STIM1: variants seen among roughly 807,000 people sequenced by gnomAD.
STIM1 encodes the protein stromal interaction molecule 1.
In STIM1, 25 loss-of-function variants were observed where a neutral mutation model predicts 74.7. The observed-to-expected ratio is 0.33, with a 90% CI of 0.24 to 0.47. STIM1 has a LOEUF of 0.47. STIM1 is among the 20% of genes least tolerant of loss of function. STIM1 has a pLI of 1.00. For synonymous variants in STIM1, 328 were observed against 348.8 expected (o/e 0.94, Z 0.66); for missense variants, 728 against 920.8 (o/e 0.79, Z 2.71).
chr11:4,026,316 C>T (rs1412768178), intron 3 of STIM1, among the ~76,000 whole-genome samples: 1 of 152,142 alleles, frequency 6.6e-6, no homozygotes, highest in East Asian at 1.9e-4. Context: ...CTATCTTAGC[C>T]AACTCTGGGC....
At position 3,990,191 on chromosome 11, in the gene STIM1, A is replaced by G. The variant is rs547608637; in HGVS notation, c.270+22509A>G. Among the ~76,000 whole-genome samples, 13 of 152,356 alleles carry G rather than the reference A, an allele frequency of 8.5e-5. No individual in the cohort carries two copies. In the East Asian group the frequency reaches 1.2e-3, roughly 14 times the overall value. On this transcript the variant is annotated intron_variant, in intron 2 of 12. Transcript: ENST00000526596. ...GCTTTTTTCACTTAGCATGTTTTCA[A>G]GGTGCATTCATGTTGTATCAGTACT...
At chr11:4,084,157 A>C (rs2094479879) in intron 10 of STIM1, among the ~76,000 whole-genome samples, 1 of 152,196 alleles carries the variant, frequency 6.6e-6, no homozygotes, top group African/African-American at 2.4e-5. Flanking sequence ...ACAACACTGG[A>C]ATTCTTCAGT....
At chr11:3,907,569 C>T (rs1372076570) in intron 1 of STIM1, among the ~76,000 whole-genome samples, 7 of 152,302 alleles carry the variant, frequency 4.6e-5, no homozygotes, top group Admixed American at 2.0e-4. Flanking sequence ...AACTGATTGC[C>T]CTGCTTTTGC....
At chr11:3,897,868 T>C (rs1269312586) in intron 1 of STIM1, among the ~76,000 whole-genome samples, 1 of 152,180 alleles carries the variant, frequency 6.6e-6, no homozygotes, top group East Asian at 1.9e-4. Flanking sequence ...GGCTGCATAG[T>C]ATTCCATGGT....
At chr11:3,863,713 G>C (rs2090733127) in intron 1 of STIM1, among the ~76,000 whole-genome samples, 1 of 152,032 alleles carries the variant, frequency 6.6e-6, no homozygotes, top group African/African-American at 2.4e-5. Context: ...GTGTACCATA[G>C]GCTACCTGTG....
intron 2 of STIM1, among the ~76,000 whole-genome samples, chr11:4,006,890 T>C (rs2093787492): frequency 6.6e-6 from 1 of 152,142 alleles, no homozygotes; most frequent in African/African-American, 2.4e-5. Context: ...GGAAGTGTTA[T>C]TGATTCTAAG....
At chr11:4,018,148 C>G (rs11030643) in intron 2 of STIM1, among the ~76,000 whole-genome samples, 1 of 152,102 alleles carries the variant, frequency 6.6e-6, no homozygotes, top group African/African-American at 2.4e-5. Context: ...AACCCCATCT[C>G]TATTAAAAAA....
At chr11:3,908,005 C>T (rs1006986891) in intron 1 of STIM1, among the ~76,000 whole-genome samples, 3 of 152,138 alleles carry the variant, frequency 2.0e-5, no homozygotes, top group African/African-American at 4.8e-5. Context: ...CACACTGCAA[C>T]CCCTTTCTCT....
In STIM1 at chr11:4,026,688, A is replaced by G. The variant is rs7926213; in HGVS notation, c.385+2701A>G. On this transcript the variant is annotated intron_variant, in intron 3 of 12. Transcript: ENST00000526596. ...AATTCAAGAAAGCCCTATACTTATG[A>G]TTACAATTTTATTATAAAAGTTACA... Among the ~76,000 whole-genome samples the G allele has an allele frequency of 4.6e-3, 704 of 152,300 alleles. 9 individuals carry two copies. Among genetic ancestry groups the G allele is most frequent in the African/African-American group, 0.016 (676 of 41,558 alleles).
At chr11:3,864,567 C>T (rs1019891131) in intron 1 of STIM1, among the ~76,000 whole-genome samples, 1 of 152,184 alleles carries the variant, frequency 6.6e-6, no homozygotes, top group Non-Finnish European at 1.5e-5. Context: ...TCCAAGAGAG[C>T]GCAAGAGAGA....
intron 2 of STIM1, among the ~76,000 whole-genome samples, chr11:3,990,445 ACATACATATGAATAGAATTGCTGGGT>A (rs1358082799): frequency 2.6e-5 from 4 of 152,322 alleles, no homozygotes; most frequent in African/African-American, 9.6e-5. Flanking sequence ...TCTCTTGGGT[ACATACATATGAATAGAATTGCTGGGT>A]CATATGGTAA....
chr11:4,089,080 C>A (rs539575909), intron 12 of STIM1: 5 of 289,010 alleles, frequency 1.7e-5, no homozygotes, highest in East Asian at 1.5e-4. Flanking sequence ...AAAAAAAAAT[C>A]AAAAATTTAG....
At chr11:4,012,909 A>T (rs764829067) in intron 2 of STIM1, among the ~76,000 whole-genome samples, 1 of 152,162 alleles carries the variant, frequency 6.6e-6, no homozygotes, top group Non-Finnish European at 1.5e-5. Flanking sequence ...ATCAATACCT[A>T]GTTTATTGAG....
intron 2 of STIM1, among the ~76,000 whole-genome samples, chr11:4,000,187 C>A (rs568943427): frequency 7.1e-6 from 1 of 141,588 alleles, no homozygotes; most frequent in East Asian, 2.2e-4. Context: ...CAGCAGTAAC[C>A]TCTGCAGACT....
intron 5 of STIM1, 48 bp downstream of exon 5, chr11:4,059,444 G>A: frequency 6.5e-7 from 1 of 1,548,170 alleles, no homozygotes; most frequent in Non-Finnish European, 8.9e-7. Context: ...GGAAACCAAA[G>A]CTGTTGTAGT....
intron 2 of STIM1, among the ~76,000 whole-genome samples, chr11:3,982,974 CA>C (rs1433680917): frequency 6.6e-6 from 1 of 152,120 alleles, no homozygotes; most frequent in African/African-American, 2.4e-5. Flanking sequence ...CTCTGTCACC[CA>C]GGCTGGAGTG....
At chr11:3,936,967 T>G (rs1032776393) in intron 1 of STIM1, among the ~76,000 whole-genome samples, 4 of 152,256 alleles carry the variant, frequency 2.6e-5, no homozygotes, top group Non-Finnish European at 5.9e-5. Flanking sequence ...TCATATCTCA[T>G]TAGCTTGGAG....
intron 3 of STIM1, among the ~76,000 whole-genome samples, chr11:4,026,581 C>T (rs561353648): frequency 1.2e-3 from 185 of 152,326 alleles, no homozygotes; most frequent in South Asian, 9.9e-3. Flanking sequence ...TCCCAGGTCA[C>T]CTGCACTTCT....
Position 4,086,443 on chromosome 11 carries a change from GC to G in STIM1, c.1568-30del. ...TTACCTGCCAGCCCAAAGTGGGCTG[GC>G]CCCTCCTGACACTTTCTTTATTCTC... On this transcript the variant is annotated intron_variant, in intron 11 of 12. Coordinates refer to ENST00000526596, the MANE Select transcript of STIM1 (RefSeq NM_001382567.1). 4.3e-6 allele frequency: 7 copies of G among 1,611,496 alleles called. No homozygotes were observed. The East Asian group carries it at 6.7e-5, about 15-fold the overall frequency.
Sources: gnomAD v4.1 joint callset for allele counts (sites outside exome capture counted in the v4.1 genomes callset) on GRCh38, gnomAD v4.1.1 for gene constraint, MANE v1.5 for transcripts, NCBI Gene and HGNC (gene_info 2026-07-23, HGNC 2026-07-21) for gene names.